The following CLSTN2 variants were observed in gnomAD, a reference collection of about 807,000 sequenced individuals.
The protein encoded by CLSTN2 is calsyntenin 2.
In CLSTN2, 48 loss-of-function variants were observed where a neutral mutation model predicts 101.2. That is an observed-to-expected ratio of 0.47 (90% CI 0.38 to 0.60). CLSTN2 has a LOEUF of 0.60. Ranked by LOEUF, CLSTN2 falls within the 20% of genes least tolerant of loss-of-function variation. The pLI is 0.00. For synonymous variants in CLSTN2, 481 were observed against 463.6 expected (o/e 1.04, Z -0.48); for missense variants, 1,160 against 1,238.2 (o/e 0.94, Z 0.95).
chr3:140,244,070 C>T (rs2107870208), intron 2 of CLSTN2, among the ~76,000 whole-genome samples: 1 of 152,324 alleles, frequency 6.6e-6, no homozygotes, highest in Non-Finnish European at 1.5e-5. Context: ...GAGAGGAAGG[C>T]TGGCAGTGCT....
chr3:140,400,349 A>G (rs971894457), intron 2 of CLSTN2, among the ~76,000 whole-genome samples: 4 of 152,158 alleles, frequency 2.6e-5, no homozygotes, highest in African/African-American at 9.7e-5. Context: ...TGCTCATAAC[A>G]TGCTCCATTG....
chr3:140,339,815 C>T (rs187496710), intron 2 of CLSTN2, among the ~76,000 whole-genome samples: 145 of 152,280 alleles, frequency 9.5e-4, no homozygotes, highest in African/African-American at 2.7e-3. Context: ...AGTCATATAC[C>T]CATTTGTTCT....
chr3:139,997,962 G>A (rs2006719617), intron 1 of CLSTN2, among the ~76,000 whole-genome samples: 2 of 152,150 alleles, frequency 1.3e-5, no homozygotes, highest in South Asian at 2.1e-4. Context: ...GGACCCTGGA[G>A]TTATAGGGCA....
At chr3:140,156,145 T>C (rs1344284783) in intron 1 of CLSTN2, among the ~76,000 whole-genome samples, 1 of 152,164 alleles carries the variant, frequency 6.6e-6, no homozygotes, top group African/African-American at 2.4e-5. Context: ...AGTTTTATCT[T>C]AGGTGCTATC....
intron 1 of CLSTN2, among the ~76,000 whole-genome samples, chr3:140,078,102 G>A (rs1359608103): frequency 1.3e-5 from 2 of 152,142 alleles, no homozygotes; most frequent in Admixed American, 6.5e-5. Context: ...GCATTTGGAG[G>A]CTCCCTCTAG....
chr3:139,995,818 A>G (rs1336121603), intron 1 of CLSTN2, among the ~76,000 whole-genome samples: 1 of 152,224 alleles, frequency 6.6e-6, no homozygotes, highest in Non-Finnish European at 1.5e-5. Flanking sequence ...CAGGAACTTT[A>G]ATAGATGGAA....
chr3:140,385,669 G>C (rs908777732), intron 2 of CLSTN2, among the ~76,000 whole-genome samples: 3 of 152,124 alleles, frequency 2.0e-5, no homozygotes, highest in African/African-American at 7.2e-5. Context: ...GAGCCACCGC[G>C]CCCGGCCCCT....
At chr3:140,197,107 C>T (rs1490471058) in intron 2 of CLSTN2, among the ~76,000 whole-genome samples, 2 of 152,174 alleles carry the variant, frequency 1.3e-5, no homozygotes, top group Non-Finnish European at 2.9e-5. Flanking sequence ...AAATACAACC[C>T]TGCCTGGCTT....
intron 1 of CLSTN2, among the ~76,000 whole-genome samples, chr3:140,157,682 A>G (rs2009977129): frequency 6.6e-6 from 1 of 151,766 alleles, no homozygotes; most frequent in Non-Finnish European, 1.5e-5. Flanking sequence ...TTAGAAAATC[A>G]AGTCTTGGTT....
At chr3:140,080,473 G>T (rs2008577462) in intron 1 of CLSTN2, among the ~76,000 whole-genome samples, 1 of 152,132 alleles carries the variant, frequency 6.6e-6, no homozygotes, top group South Asian at 2.1e-4. Flanking sequence ...GCGACAGTGG[G>T]TCTCAGTCTC....
At position 140,135,135 on chromosome 3, in the gene CLSTN2, T is replaced by C. The variant is rs1349277545; in HGVS notation, c.110-40816T>C. ...ACACACACATATATATATATATATA[T>C]ATATATATATATATATATATATATA... On this transcript the variant is annotated intron_variant, in intron 1 of 16. Transcript: ENST00000458420. Among the ~76,000 whole-genome samples the C allele has an allele frequency of 5.3e-3, 620 of 117,376 alleles. 3 individuals are homozygous for C. Among genetic ancestry groups the C allele is most frequent in the Middle Eastern group, 0.02 (5 of 248 alleles). The allele number at this position is 117,376 out of a possible 152,430, so 77.0% of individuals were successfully genotyped here.
rs1355803745 is a variant in CLSTN2, at chr3:139,978,641, TGGGGGATTGTGTGTGTGTGTG to T, written c.109+43159_109+43179del. Among the ~76,000 whole-genome samples the T allele has an allele frequency of 3.2e-3, 404 of 126,266 alleles. 3 individuals are homozygous for T. The highest frequency in any genetic ancestry group is 0.012 in the African/African-American group (383 of 31,986). 82.8% of individuals were successfully genotyped at this position (126,266 alleles called of 152,430 possible). On this transcript the variant is annotated intron_variant, in intron 1 of 16. Coordinates refer to ENST00000458420, the MANE Select transcript of CLSTN2 (RefSeq NM_022131.3). ...CTAACTCTGCTGGGAGGATGGGGGA[TGGGGGATTGTGTGTGTGTGTG>T]TGTGTGTGTGTGTGTGTGTGTGTGT...
intron 2 of CLSTN2, among the ~76,000 whole-genome samples, chr3:140,392,695 C>T (rs2088129370): frequency 6.6e-6 from 1 of 151,820 alleles, no homozygotes; most frequent in Non-Finnish European, 1.5e-5. Flanking sequence ...CAATTTGTGC[C>T]TAAGTTCCTA....
rs1935000820 is a variant in CLSTN2, at chr3:139,935,362, G to T, written c.-13G>T. ...TAGGCGGCGGCTGCAGCTCGTTGGCGGCTGCTGCGAGGATGCTGCCTGGGC... is the reference window on the plus strand; with the variant it reads ...TAGGCGGCGGCTGCAGCTCGTTGGCTGCTGCTGCGAGGATGCTGCCTGGGC... On this transcript the variant is annotated 5_prime_UTR_variant, in exon 1 of 17. Coordinates refer to ENST00000458420, the MANE Select transcript of CLSTN2 (RefSeq NM_022131.3). The surrounding 1 kb of genome is among the most constrained non-coding windows in gnomAD (Gnocchi z 5.5). 1.6e-6 allele frequency: 2 copies of T among 1,218,524 alleles called. No homozygotes were observed. Among genetic ancestry groups the T allele is most frequent in the Non-Finnish European group, 2.0e-6 (2 of 976,764 alleles). 75.5% of individuals were successfully genotyped at this position (1,218,524 alleles called of 1,614,324 possible).
intron 8 of CLSTN2, among the ~76,000 whole-genome samples, chr3:140,512,995 A>G (rs1934844618): frequency 6.6e-6 from 1 of 152,210 alleles, no homozygotes; most frequent in African/African-American, 2.4e-5. Flanking sequence ...GTTGCTTATC[A>G]GCTTAAGATG....
intron 2 of CLSTN2, among the ~76,000 whole-genome samples, chr3:140,180,515 C>T (rs373288322): frequency 4.6e-5 from 7 of 152,058 alleles, no homozygotes; most frequent in East Asian, 3.8e-4. Flanking sequence ...AAATGCTGTC[C>T]GCTGCATGGC....
At chr3:140,063,328 C>CT (rs999654163) in intron 1 of CLSTN2, among the ~76,000 whole-genome samples, 6 of 152,186 alleles carry the variant, frequency 3.9e-5, no homozygotes, top group Admixed American at 3.9e-4. Context: ...TATTGCTGGG[C>CT]TTTTTTCTAG....
chr3:140,361,755 G>T (rs62268028), intron 2 of CLSTN2, among the ~76,000 whole-genome samples: 11,219 of 151,772 alleles, frequency 0.074, 502 homozygotes, highest in Middle Eastern at 0.12. Context: ...TAAATACCTG[G>T]GAATAAATTT....
rs58182333 is a variant in CLSTN2, at chr3:140,203,461, G to GTTTTTTT, written c.232+27412_232+27418dup. Among the ~76,000 whole-genome samples, 9 of 67,914 alleles carry GTTTTTTT rather than the reference G, an allele frequency of 1.3e-4. 1 individual carries two copies. The highest frequency in any genetic ancestry group is 2.3e-4 in the Admixed American group (1 of 4,262). The allele number at this position is 67,914 out of a possible 152,430, so 44.6% of individuals were successfully genotyped here. ...GAAGAGGGGTTAAGAGAAAGTGTGG[G>GTTTTTTT]TTTTTTTTTTTTTTTTTTTTTTTTT... On this transcript the variant is annotated intron_variant, in intron 2 of 16. Coordinates refer to ENST00000458420, the MANE Select transcript of CLSTN2 (RefSeq NM_022131.3).
Sources: allele counts gnomAD v4.1 joint callset (sites outside exome capture counted in the v4.1 genomes callset), GRCh38; gene constraint gnomAD v4.1.1; non-coding constraint Gnocchi (gnomAD v3.1); transcripts MANE v1.5; gene names NCBI Gene and HGNC (gene_info 2026-07-23, HGNC 2026-07-21).